The following GRM7 variants were observed in gnomAD, a reference collection of about 807,000 sequenced individuals.
The protein encoded by GRM7 is glutamate metabotropic receptor 7, also known as metabotropic glutamate receptor 7.
Under a neutral mutation model 84.5 loss-of-function variants are expected in GRM7, and 35 were observed. The observed-to-expected ratio is 0.41, with a 90% CI of 0.32 to 0.55. GRM7 has a LOEUF of 0.55. Ranked by LOEUF, GRM7 falls within the 20% of genes least tolerant of loss-of-function variation. The pLI is 0.19. For missense variants in GRM7, 1,003 were observed against 1,194.6 expected (o/e 0.84, Z 2.36); for synonymous variants, 487 against 455.1 (o/e 1.07, Z -0.89).
intron 2 of GRM7, among the ~76,000 whole-genome samples, chr3:7,162,728 CATTTTTTTTTTTTTTTTTTTT>C (rs1694665831): frequency 3.7e-4 from 21 of 57,140 alleles, no homozygotes; most frequent in African/African-American, 1.1e-3. Context: ...TCCCATTTTT[CATTTTTTTTTTTTTTTTTTTT>C]TTTTTTTTTT....
intron 1 of GRM7, among the ~76,000 whole-genome samples, chr3:7,058,804 C>T (rs1268496094): frequency 6.6e-6 from 1 of 151,796 alleles, no homozygotes; most frequent in African/African-American, 2.4e-5. Flanking sequence ...ACATTCTGTC[C>T]TTGTCCTGAT....
chr3:7,210,405 T>G (rs1696381967), intron 2 of GRM7, among the ~76,000 whole-genome samples: 1 of 152,220 alleles, frequency 6.6e-6, no homozygotes, highest in Non-Finnish European at 1.5e-5. Flanking sequence ...TTGAAAGATT[T>G]GTTATCCTTA....
At chr3:7,168,260 A>C (rs968750400) in intron 2 of GRM7, among the ~76,000 whole-genome samples, 2 of 152,150 alleles carry the variant, frequency 1.3e-5, no homozygotes, top group African/African-American at 4.8e-5. Context: ...AGTGATTGTA[A>C]ATATAATTCC....
In GRM7 at chr3:7,627,876, C is replaced by G. The variant is rs180969557; in HGVS notation, c.2451+48519C>G. Among the ~76,000 whole-genome samples the G allele has an allele frequency of 5.9e-5, 9 of 152,120 alleles. No homozygotes were observed. In the East Asian group the frequency reaches 1.2e-3, roughly 20 times the overall value. On this transcript the variant is annotated intron_variant, in intron 8 of 9. Coordinates refer to ENST00000357716, the MANE Select transcript of GRM7 (RefSeq NM_000844.4). ...GCTACCAGTTATATTAGATGAGGGC[C>G]CATCCTAGTGATTTTAACTCAATTA...
intron 4 of GRM7, among the ~76,000 whole-genome samples, chr3:7,380,114 G>C (rs2125128730): frequency 6.6e-6 from 1 of 152,208 alleles, no homozygotes; most frequent in Non-Finnish European, 1.5e-5. Context: ...TTGAAATATG[G>C]GAGGTCCATA....
At chr3:7,217,420 C>A (rs1543145) in intron 2 of GRM7, among the ~76,000 whole-genome samples, 11,474 of 151,978 alleles carry the variant, frequency 0.075, 1,213 homozygotes, top group African/African-American at 0.24. Flanking sequence ...AGTCTCACTA[C>A]GGACTTTTAA....
intron 1 of GRM7, among the ~76,000 whole-genome samples, chr3:7,043,729 T>C (rs1280925150): frequency 1.3e-5 from 2 of 152,184 alleles, no homozygotes; most frequent in Non-Finnish European, 2.9e-5. Context: ...CTTGGCATGA[T>C]CCCTATGCCT....
intron 2 of GRM7, among the ~76,000 whole-genome samples, chr3:7,235,538 G>A (rs1697322885): frequency 6.6e-6 from 1 of 152,132 alleles, no homozygotes; most frequent in South Asian, 2.1e-4. Context: ...ATAGAGCAGA[G>A]TTACTCCAAC....
At chr3:7,730,989 G>C (rs3804809) in intron 9 of GRM7, among the ~76,000 whole-genome samples, 12,248 of 152,102 alleles carry the variant, frequency 0.081, 644 homozygotes, top group African/African-American at 0.14. Flanking sequence ...TTAAGACAGA[G>C]ACTTTGTCTG....
intron 2 of GRM7, among the ~76,000 whole-genome samples, chr3:7,240,906 T>C: frequency 6.6e-6 from 1 of 152,196 alleles, no homozygotes; most frequent in Non-Finnish European, 1.5e-5. Context: ...TGTGTTTTAA[T>C]TGCCTACAGT....
chr3:6,990,999 T>TTCC (rs1694614471), intron 1 of GRM7, among the ~76,000 whole-genome samples: 2 of 151,758 alleles, frequency 1.3e-5, no homozygotes, highest in Non-Finnish European at 2.9e-5. Context: ...AGCCCAGGAG[T>TTCC]TCCAGGCTGC....
chr3:7,038,443 C>T (rs916655039), intron 1 of GRM7, among the ~76,000 whole-genome samples: 3 of 152,146 alleles, frequency 2.0e-5, no homozygotes, highest in African/African-American at 4.8e-5. Context: ...ATTTTATCAA[C>T]AGATGAGAGA....
intron 1 of GRM7, among the ~76,000 whole-genome samples, chr3:7,084,138 T>C (rs1698363622): frequency 6.6e-6 from 1 of 152,180 alleles, no homozygotes; most frequent in Admixed American, 6.5e-5. Flanking sequence ...AGCAAATCAT[T>C]TGGGCTACTC....
chr3:7,177,523 A>G (rs1420430773), intron 2 of GRM7, among the ~76,000 whole-genome samples: 1 of 139,936 alleles, frequency 7.1e-6, no homozygotes, highest in Non-Finnish European at 1.6e-5. Context: ...TAAAGGAGGG[A>G]AGGAAGGAGG....
intron 3 of GRM7, among the ~76,000 whole-genome samples, chr3:7,304,560 G>A (rs1266316814): frequency 4.0e-5 from 6 of 151,366 alleles, no homozygotes; most frequent in East Asian, 1.9e-4. Flanking sequence ...TTCTCTGTAC[G>A]TTCTTTTTTC....
intron 7 of GRM7, among the ~76,000 whole-genome samples, chr3:7,495,971 C>A (rs945908977): frequency 6.6e-6 from 1 of 152,170 alleles, no homozygotes; most frequent in Non-Finnish European, 1.5e-5. Context: ...GTCCACTTGT[C>A]CAGAGAGAAA....
rs752944621 is a variant in GRM7 at position 7,635,842 on chromosome 3, T to G, written c.2452-44207T>G. Among the ~76,000 whole-genome samples the G allele has an allele frequency of 3.5e-4, 54 of 152,188 alleles. 1 individual carries two copies. The highest frequency in any genetic ancestry group is 5.6e-4 in the Non-Finnish European group (38 of 68,006). On this transcript the variant is annotated intron_variant, in intron 8 of 9. Coordinates refer to ENST00000357716, the MANE Select transcript of GRM7 (RefSeq NM_000844.4). ...ACATATGCCACCACAAACAGCTAAC[T>G]TTTTAGAATATTTTATACAGATAGG...
chr3:7,041,548 T>G (rs75687056), intron 1 of GRM7, among the ~76,000 whole-genome samples: 2 of 152,372 alleles, frequency 1.3e-5, no homozygotes, highest in East Asian at 3.9e-4. Flanking sequence ...TTGTATTGTT[T>G]GTATATTTCT....
intron 7 of GRM7, among the ~76,000 whole-genome samples, chr3:7,463,011 T>C (rs1698313192): frequency 6.7e-6 from 1 of 149,380 alleles, no homozygotes; most frequent in Non-Finnish European, 1.5e-5. Flanking sequence ...GGTGGGGGAG[T>C]AGTAATCAAA....
Sources: allele counts gnomAD v4.1 joint callset (sites outside exome capture counted in the v4.1 genomes callset), GRCh38; gene constraint gnomAD v4.1.1; transcripts MANE v1.5; gene names NCBI Gene and HGNC (gene_info 2026-07-23, HGNC 2026-07-21).